The following DOCK11 variants were observed in gnomAD, a reference collection of about 807,000 sequenced individuals.
DOCK11 encodes the protein dedicator of cytokinesis protein 11.
Under a neutral mutation model 169.1 loss-of-function variants are expected in DOCK11, and 70 were observed. The ratio of observed to expected loss-of-function variants is 0.41; its 90% CI spans 0.34 to 0.51. DOCK11 has a LOEUF of 0.51. Among genes scored for constraint, DOCK11 ranks in the 20% least tolerant of loss-of-function variants. DOCK11 has a pLI of 0.10. For missense variants in DOCK11, 1,166 were observed against 1,538.8 expected (o/e 0.76, Z 4.05); for synonymous variants, 529 against 541.3 (o/e 0.98, Z 0.32).
intron 1 of DOCK11, among the ~76,000 whole-genome samples, chrX:118,503,050 A>T (rs764655890): frequency 2.9e-5 from 3 of 102,651 alleles, no homozygotes; most frequent in Non-Finnish European, 3.9e-5. Flanking sequence ...CAGTTAATAT[A>T]GTTCTGGAGA....
At chrX:118,497,343 G>T (rs181453838) in intron 1 of DOCK11, among the ~76,000 whole-genome samples, 1 of 112,101 alleles carries the variant, frequency 8.9e-6, no homozygotes, top group East Asian at 2.8e-4. Context: ...AGTGGAGAAA[G>T]TTGACATTAG....
At chrX:118,644,903 G>A (rs1471139253) in intron 40 of DOCK11, among the ~76,000 whole-genome samples, 1 of 111,801 alleles carries the variant, frequency 8.9e-6, no homozygotes, top group Non-Finnish European at 1.9e-5. Context: ...TTTAAAAGTT[G>A]TGTTGAAGAA....
At chrX:118,544,241 T>G (rs1269294369) in intron 4 of DOCK11, among the ~76,000 whole-genome samples, 1 of 111,630 alleles carries the variant, frequency 9.0e-6, no homozygotes, top group Admixed American at 9.5e-5. Context: ...TAGCCATCCC[T>G]TGGAAAAAGT....
At chrX:118,589,230 A>G (rs1019924234) in intron 18 of DOCK11, among the ~76,000 whole-genome samples, 6 of 108,741 alleles carry the variant, frequency 5.5e-5, no homozygotes, top group Admixed American at 2.0e-4. Context: ...TTTTTTTTTT[A>G]TGTATACAGA....
chrX:118,539,849 G>A (rs1026832938), intron 1 of DOCK11, among the ~76,000 whole-genome samples: 2 of 108,747 alleles, frequency 1.8e-5, no homozygotes, highest in African/African-American at 6.7e-5. Context: ...TCAGGAGTTC[G>A]AGACCAGCCT....
intron 40 of DOCK11, among the ~76,000 whole-genome samples, chrX:118,646,231 G>T (rs967810372): frequency 9.0e-6 from 1 of 111,321 alleles, no homozygotes; most frequent in African/African-American, 3.3e-5. Context: ...GAACTAAAAG[G>T]CTGGTATTTT....
intron 1 of DOCK11, among the ~76,000 whole-genome samples, chrX:118,533,203 G>C (rs1004353712): frequency 9.0e-6 from 1 of 111,145 alleles, no homozygotes; most frequent in Non-Finnish European, 1.9e-5. Flanking sequence ...TGTTGGCCGG[G>C]CTGGTCTCTA....
chrX:118,645,981 G>A (rs1236837255), intron 40 of DOCK11, among the ~76,000 whole-genome samples: 1 of 103,556 alleles, frequency 9.7e-6, no homozygotes, highest in African/African-American at 3.5e-5. Flanking sequence ...ACTTGAACCC[G>A]GGAGGCAGAG....
At chrX:118,647,597 T>TAAA (rs2015729549) in intron 40 of DOCK11, among the ~76,000 whole-genome samples, 2 of 59,468 alleles carry the variant, frequency 3.4e-5, no homozygotes, top group Admixed American at 2.8e-4. Context: ...ATCTTATATA[T>TAAA]TAATATATAA....
At chrX:118,579,106 G>T (rs2013545275) in intron 13 of DOCK11, among the ~76,000 whole-genome samples, 2 of 112,248 alleles carry the variant, frequency 1.8e-5, no homozygotes, top group Admixed American at 1.9e-4. Context: ...TCAAAGGGCT[G>T]CCCTTTATTC....
intron 44 of DOCK11, among the ~76,000 whole-genome samples, chrX:118,661,531 G>A (rs1458190793): frequency 9.0e-6 from 1 of 111,635 alleles, no homozygotes; most frequent in African/African-American, 3.3e-5. Flanking sequence ...TTAATTGTAA[G>A]TAAAGGTCAT....
chrX:118,570,019 G>A (rs2013223721), intron 10 of DOCK11, among the ~76,000 whole-genome samples: 1 of 112,311 alleles, frequency 8.9e-6, no homozygotes, highest in South Asian at 3.7e-4. Context: ...GTGAGCTATG[G>A]TAAGAGAGAA....
rs749681876 is a variant in DOCK11, at chrX:118,503,513, T to G, written c.102+7440T>G. Among the ~76,000 whole-genome samples, 3 of 105,764 alleles carry G rather than the reference T, an allele frequency of 2.8e-5. No homozygotes were observed. In the South Asian group the frequency reaches 1.2e-3, roughly 42 times the overall value. 91.8% of individuals were successfully genotyped at this position (105,764 alleles called of 115,157 possible). A position where few individuals can be genotyped will look rare whatever the true frequency, so the allele number is the denominator to read the frequency against. Reference sequence around the variant, plus strand: ...AGGAAGAGCGGAGGTGGAGTCAAGATAATTTTGAGGTTTCTCAGCTTGTGT... The same window carrying G: ...AGGAAGAGCGGAGGTGGAGTCAAGAGAATTTTGAGGTTTCTCAGCTTGTGT... On this transcript the variant is annotated intron_variant, in intron 1 of 52. Coordinates refer to ENST00000276202, the MANE Select transcript of DOCK11 (RefSeq NM_144658.4).
intron 40 of DOCK11, among the ~76,000 whole-genome samples, chrX:118,648,502 TTAATATATTAATATG>T (rs1349776882): frequency 2.1e-5 from 2 of 94,017 alleles, no homozygotes. Flanking sequence ...TATTGATATG[TTAATATATTAATATG>T]TAATATATAT....
At chrX:118,512,703 G>C (rs1320711756) in intron 1 of DOCK11, among the ~76,000 whole-genome samples, 1 of 111,777 alleles carries the variant, frequency 8.9e-6, no homozygotes, top group African/African-American at 3.3e-5. Flanking sequence ...GGAGCCCAGG[G>C]TAGAGGGACT....
chrX:118,529,189 C>T (rs193147432), intron 1 of DOCK11, among the ~76,000 whole-genome samples: 1 of 110,052 alleles, frequency 9.1e-6, no homozygotes, highest in African/African-American at 3.3e-5. Context: ...TCACCATGCT[C>T]ACCAGGCAGG....
rs567888978 is a variant in DOCK11, at chrX:118,541,103, C to T, written c.103-1622C>T. Among the ~76,000 whole-genome samples the T allele has an allele frequency of 1.4e-4, 16 of 110,784 alleles. No individual in the cohort carries two copies. In the South Asian group the frequency reaches 5.7e-3, roughly 39 times the overall value. On this transcript the variant is annotated intron_variant, in intron 1 of 52. Coordinates refer to ENST00000276202, the MANE Select transcript of DOCK11 (RefSeq NM_144658.4). ...ACAAATAAAAGAAAATCCCTGCCCT[C>T]AAATAGTCAGAGAGGTGAAATAGAT...
In DOCK11 at chrX:118,496,086, G is replaced by A; in HGVS notation, c.102+13G>A. 1 of 1,000,313 alleles carries A rather than the reference G, an allele frequency of 1.0e-6. No homozygotes were observed. The highest frequency in any genetic ancestry group is 1.3e-6 in the Non-Finnish European group (1 of 788,290). 82.4% of individuals were successfully genotyped at this position (1,000,313 alleles called of 1,213,427 possible). A position where few individuals can be genotyped will look rare whatever the true frequency, so the allele number is the denominator to read the frequency against. On this transcript the variant is annotated intron_variant, in intron 1 of 52. Coordinates refer to ENST00000276202, the MANE Select transcript of DOCK11 (RefSeq NM_144658.4). ...CTCCGTGGTGCTGGTGAGTGGCCGG[G>A]GGACGGGGCATCCCGGGGGACGCGC...
At chrX:118,640,544 G>A (rs2015504141) in intron 38 of DOCK11, among the ~76,000 whole-genome samples, 1 of 112,021 alleles carries the variant, frequency 8.9e-6, no homozygotes, top group Non-Finnish European at 1.9e-5. Flanking sequence ...GGGCACTACT[G>A]TTTATCTGTA....
Sources: gnomAD v4.1 joint callset for allele counts (sites outside exome capture counted in the v4.1 genomes callset) on GRCh38, gnomAD v4.1.1 for gene constraint, MANE v1.5 for transcripts, NCBI Gene and HGNC (gene_info 2026-07-23, HGNC 2026-07-21) for gene names.